COL12A1: variants seen among roughly 807,000 people sequenced by gnomAD.
COL12A1 encodes collagen alpha-1(XII) chain.
COL12A1 carries 114 observed loss-of-function variants against 349.7 expected under a neutral mutation model. The ratio of observed to expected loss-of-function variants is 0.33; its 90% CI spans 0.28 to 0.38. The LOEUF is 0.38. Ranked by LOEUF, COL12A1 falls within the 10% of genes least tolerant of loss-of-function variation. The pLI is 1.00. For missense variants in COL12A1, 3,284 were observed against 3,756.9 expected, an observed-to-expected ratio of 0.87 and a Z score of 3.29; for synonymous variants, 1,369 against 1,329.0, an observed-to-expected ratio of 1.03 and a Z score of -0.66.
chr6:75,124,496 C>G (rs1765918470), intron 40 of COL12A1, 125 bp from the exon 41 acceptor site: 2 of 632,308 alleles, frequency 3.2e-6, no homozygotes, highest in Non-Finnish European at 5.2e-6. Flanking sequence ...ATTATGTTTC[C>G]TTATAAGAAA....
intron 20 of COL12A1, among the ~76,000 whole-genome samples, chr6:75,151,654 G>T (rs577996798): frequency 1.3e-5 from 2 of 151,850 alleles, no homozygotes; most frequent in Non-Finnish European, 2.9e-5. Context: ...TTTTCTTCTT[G>T]ATCTATTAAT....
Position 75,177,730 on chromosome 6 carries a change from T to C in COL12A1, c.2370A>G (p.Val790=), listed in dbSNP as rs1159657178. The C allele has an allele frequency of 6.2e-7, 1 of 1,614,042 alleles. No homozygotes were observed. The highest frequency in any genetic ancestry group is 1.3e-5 in the African/African-American group (1 of 74,926). ...ENLIPDTKYE[V]SVIPEYFSGP... is the part of the protein sequence containing the mutation. Reference sequence around the variant, plus strand: ...CTGAGAAATATTCAGGAATTACAGATACTTCATATTTCGTGTCTGGAATCA... The same window carrying C: ...CTGAGAAATATTCAGGAATTACAGACACTTCATATTTCGTGTCTGGAATCA... Residue 790 remains valine, a synonymous_variant, in exon 12 of 66, where the codon GTA becomes GTG. Transcript: ENST00000322507.
chr6:75,159,825 A>C (rs938675193), intron 14 of COL12A1, among the ~76,000 whole-genome samples: 1 of 151,880 alleles, frequency 6.6e-6, no homozygotes, highest in Non-Finnish European at 1.5e-5. Flanking sequence ...GCCAAGCTTT[A>C]AAATGTTTAA....
At chr6:75,155,342 C>T (rs1463771102) in intron 16 of COL12A1, among the ~76,000 whole-genome samples, 1 of 152,134 alleles carries the variant, frequency 6.6e-6, no homozygotes, top group African/African-American at 2.4e-5. Flanking sequence ...ATTTCGGTGA[C>T]ATTGTGTAAT....
chr6:75,185,100 A>G (rs1242400497), intron 8 of COL12A1, among the ~76,000 whole-genome samples: 3 of 152,230 alleles, frequency 2.0e-5, no homozygotes, highest in South Asian at 2.1e-4. Context: ...CCTATTCAAC[A>G]TAGTATTGGA....
At chr6:75,192,068 G>T in intron 4 of COL12A1, 144 bp downstream of exon 4, 2 of 576,740 alleles carry the variant, frequency 3.5e-6, no homozygotes, top group Non-Finnish European at 5.6e-6. Context: ...AATTATTCAT[G>T]TCCACTAATA....
In COL12A1 at chr6:75,101,645, T is replaced by G; in HGVS notation, c.8478A>C (p.Pro2826=). ...EPGLPGRTGT[P]GLPGPPGPMG... Reference sequence around the variant, plus strand: ...TTGGTCCTGGTGGGCCAGGTAATCCTGGGGTTCCCTGCACAGAAGGAAACA... The same window carrying G: ...TTGGTCCTGGTGGGCCAGGTAATCCGGGGGTTCCCTGCACAGAAGGAAACA... The change falls in exon 58 of 66, where the codon CCA becomes CCC. Residue 2826 remains proline, a synonymous_variant. Transcript: ENST00000322507. 1 of 1,613,790 alleles carries G rather than the reference T, an allele frequency of 6.2e-7. No individual in the cohort carries two copies. Among genetic ancestry groups the G allele is most frequent in the Non-Finnish European group, 8.5e-7 (1 of 1,179,810 alleles).
chr6:75,086,622 A>G (rs1314307995), intron 65 of COL12A1, 65 bp from the exon 66 acceptor site: 20 of 1,268,424 alleles, frequency 1.6e-5, no homozygotes, highest in Non-Finnish European at 2.1e-5. Context: ...ATAAATACAC[A>G]TCCATCTACG....
At position 75,136,670 on chromosome 6, in the gene COL12A1, T is replaced by A. The variant is rs188358118; in HGVS notation, c.5394+767A>T. On this transcript the variant is annotated intron_variant, in intron 31 of 65. Transcript: ENST00000322507. ...CTGTACCTCACCAAAACTGGAGATT[T>A]ATTTTGAAATGAATCAGAAAACATA... Among the ~76,000 whole-genome samples the A allele has an allele frequency of 1.3e-3, 203 of 152,344 alleles. 1 individual carries two copies. Among genetic ancestry groups the A allele is most frequent in the Middle Eastern group, 6.8e-3 (2 of 294 alleles).
intron 8 of COL12A1, among the ~76,000 whole-genome samples, chr6:75,185,336 G>A (rs186483816): frequency 6.6e-6 from 1 of 152,280 alleles, no homozygotes; most frequent in African/African-American, 2.4e-5. Context: ...CAGTCAAGCT[G>A]AGAGCTAAAT....
In COL12A1 at chr6:75,121,287, C is replaced by T. The variant is rs762181043; in HGVS notation, c.7086+15G>A. ...GACATCACAAATGAGTAGCCACTGGCGGAATGACACTAACCTGAATCCCAG... is the reference window on the plus strand; with the variant it reads ...GACATCACAAATGAGTAGCCACTGGTGGAATGACACTAACCTGAATCCCAG... On this transcript the variant is annotated intron_variant, in intron 44 of 65. Transcript: ENST00000322507. The T allele has an allele frequency of 8.3e-6, 13 of 1,558,514 alleles. No homozygotes were observed. The highest frequency in any genetic ancestry group is 4.6e-5 in the East Asian group (2 of 43,824).
In COL12A1 at chr6:75,165,521, T is replaced by A; in HGVS notation, c.2969A>T (p.Asp990Val). The A allele has an allele frequency of 6.2e-7, 1 of 1,613,574 alleles. No individual in the cohort carries two copies. The highest frequency in any genetic ancestry group is 1.7e-5 in the Admixed American group (1 of 59,994). The change falls in exon 14 of 66, where the codon GAT (aspartate) becomes GTT (valine). Residue 990 changes from aspartate to valine, a missense_variant. Coordinates refer to ENST00000322507, the MANE Select transcript of COL12A1 (RefSeq NM_004370.6). ...SSGEGEPLTG[D>V]ATTELSQDSK... ...ATGTTACCTACATTCAGTTGTGGCA[T>A]CTCCAGTCAAAGGTTCTCCTTCTCC...
chr6:75,153,509 C>T lies in COL12A1; in HGVS notation c.3565+907G>A, dbSNP rs961057426. 5.9e-5 allele frequency among the ~76,000 whole-genome samples: 9 copies of T among 151,930 alleles called. No homozygotes were observed. In the East Asian group the frequency reaches 1.7e-3, roughly 29 times the overall value. ...CAGCTATAAATTTTCCAGTTTATTA[C>T]AAGGTTAGCATTTGGTCTTTATATT... On this transcript the variant is annotated intron_variant, in intron 17 of 65. Transcript: ENST00000322507.
chr6:75,181,357 A>G, intron 10 of COL12A1, 146 bp from the exon 11 acceptor site: 1 of 768,450 alleles, frequency 1.3e-6, no homozygotes, highest in Non-Finnish European at 2.0e-6. Flanking sequence ...TCTCATCTAC[A>G]TTTGACCATT....
intron 58 of COL12A1, among the ~76,000 whole-genome samples, chr6:75,099,158 C>T (rs1205411204): frequency 6.6e-6 from 1 of 152,174 alleles, no homozygotes; most frequent in Non-Finnish European, 1.5e-5. Context: ...AGTACATTGA[C>T]TTTACCATAG....
rs1769931470 is a variant in COL12A1 at position 75,191,575 on chromosome 6, C to A, written c.394+126G>T. The A allele has an allele frequency of 1.8e-5, 9 of 506,000 alleles. No individual in the cohort carries two copies. In the South Asian group the frequency reaches 5.2e-4, roughly 29 times the overall value. 31.3% of individuals were successfully genotyped at this position (506,000 alleles called of 1,614,324 possible). ...TATTCTTATATTGTCTGTGCTCCTT[C>A]CAGATAAAGCTTATATAAATTAATA... On this transcript the variant is annotated intron_variant, in intron 5 of 65. Transcript: ENST00000322507.
chr6:75,202,577 G>A (rs1770586098), intron 2 of COL12A1, 143 bp downstream of exon 2: 1 of 736,362 alleles, frequency 1.4e-6, no homozygotes, highest in East Asian at 2.7e-5. Context: ...AGGAGAAAGG[G>A]GCGTTTCTCT....
At chr6:75,118,539 G>A (rs986901915) in intron 46 of COL12A1, among the ~76,000 whole-genome samples, 8 of 152,286 alleles carry the variant, frequency 5.3e-5, no homozygotes, top group Admixed American at 4.6e-4. Context: ...CCAAAGAACA[G>A]TGTTACCAGG....
chr6:75,183,656 T>A lies in COL12A1; in HGVS notation c.1289-4A>T. 6.3e-7 allele frequency: 1 copy of A among 1,586,030 alleles called. No homozygotes were observed. Among genetic ancestry groups the A allele is most frequent in the Admixed American group, 1.9e-5 (1 of 52,162 alleles). ...ATATCCACACCACGTGAGCATTCTG[T>A]AAAGAGAAAAAAAGTACATTAAACT... is the stretch of plus-strand genomic sequence containing the variant. On this transcript the variant is annotated splice_polypyrimidine_tract_variant and splice_region_variant and intron_variant, in intron 9 of 65. Coordinates refer to ENST00000322507, the MANE Select transcript of COL12A1 (RefSeq NM_004370.6).
Sources: allele counts gnomAD v4.1 joint callset (sites outside exome capture counted in the v4.1 genomes callset), GRCh38; gene constraint gnomAD v4.1.1; transcripts MANE v1.5; gene names NCBI Gene and HGNC (gene_info 2026-07-23, HGNC 2026-07-21).